Variants in HS3ST3A1 observed in about 807,000 individuals in gnomAD.
The protein encoded by HS3ST3A1 is heparan sulfate-glucosamine 3-sulfotransferase 3A1.
Under a neutral mutation model 25.7 loss-of-function variants are expected in HS3ST3A1, and 19 were observed. That is an observed-to-expected ratio of 0.74 (90% CI 0.52 to 1.08). The LOEUF (loss-of-function observed/expected upper bound fraction) is 1.08, where lower values mean the gene tolerates loss of function less well. Among genes scored for constraint, HS3ST3A1 ranks in the 50% least tolerant of loss-of-function variants. The probability of loss-of-function intolerance (pLI) is 0.00; values close to 1 mark genes in which losing one functional copy is unlikely to be tolerated. For synonymous variants in HS3ST3A1, 226 were observed against 278.6 expected, an observed-to-expected ratio of 0.81 and a Z score of 1.88; for missense variants, 459 against 594.3, an observed-to-expected ratio of 0.77 and a Z score of 2.37.
At position 13,495,876 on chromosome 17, in the gene HS3ST3A1, A is replaced by G. The variant is rs1360524785; in HGVS notation, c.*321T>C. 4.7e-6 allele frequency: 1 copy of G among 213,032 alleles called. No homozygotes were observed. The highest frequency in any genetic ancestry group is 2.3e-5 in the African/African-American group (1 of 43,568). 13.2% of individuals were successfully genotyped at this position (213,032 alleles called of 1,614,324 possible). On this transcript the variant is annotated 3_prime_UTR_variant, in exon 2 of 2. Coordinates refer to ENST00000284110, the MANE Select transcript of HS3ST3A1 (RefSeq NM_006042.3). ...AGGGCCTTGTATTTTAAAAAAAGAG[A>G]GAGAGATGTTTAACCTCAAGATTTT...
intron 1 of HS3ST3A1, among the ~76,000 whole-genome samples, chr17:13,524,911 A>G (rs59342672): frequency 0.018 from 2,700 of 152,334 alleles, 77 homozygotes; most frequent in African/African-American, 0.062. Context: ...CATCTACTAC[A>G]TAAAGGTTCA....
At chr17:13,579,703 A>G (rs1300518854) in intron 1 of HS3ST3A1, among the ~76,000 whole-genome samples, 3 of 130,804 alleles carry the variant, frequency 2.3e-5, no homozygotes, top group Admixed American at 2.2e-4. Flanking sequence ...TCCATCTCCA[A>G]AAAAAAAAAA....
chr17:13,540,476 A>G (rs1161537058), intron 1 of HS3ST3A1, among the ~76,000 whole-genome samples: 1 of 152,206 alleles, frequency 6.6e-6, no homozygotes, highest in Non-Finnish European at 1.5e-5. Context: ...GTATGATTTG[A>G]TGGACTAAAA....
intron 1 of HS3ST3A1, among the ~76,000 whole-genome samples, chr17:13,536,883 T>C (rs896639695): frequency 9.2e-5 from 14 of 152,176 alleles, no homozygotes; most frequent in Non-Finnish European, 2.1e-4. Context: ...CTTACTGCCC[T>C]GGGCCCTGAA....
intron 1 of HS3ST3A1, among the ~76,000 whole-genome samples, chr17:13,558,865 AG>A (rs1454225466): frequency 6.6e-6 from 1 of 152,212 alleles, no homozygotes; most frequent in Non-Finnish European, 1.5e-5. Flanking sequence ...TAGCCCTTGA[AG>A]AAAAAAACCA....
intron 1 of HS3ST3A1, among the ~76,000 whole-genome samples, chr17:13,540,720 T>C (rs1174590754): frequency 3.3e-5 from 5 of 152,242 alleles, no homozygotes; most frequent in Non-Finnish European, 7.3e-5. Context: ...CGAACTTCAC[T>C]GTAGAACAAG....
chr17:13,516,207 G>A (rs1906048370), intron 1 of HS3ST3A1, among the ~76,000 whole-genome samples: 1 of 152,158 alleles, frequency 6.6e-6, no homozygotes, highest in African/African-American at 2.4e-5. Flanking sequence ...CTACTCGGAA[G>A]GCTGAGGCAG....
At chr17:13,527,902 G>T (rs1415442887) in intron 1 of HS3ST3A1, among the ~76,000 whole-genome samples, 1 of 152,158 alleles carries the variant, frequency 6.6e-6, no homozygotes, top group Non-Finnish European at 1.5e-5. Context: ...TTTGGGAAAT[G>T]TATAATTAAA....
Position 13,560,956 on chromosome 17 carries a change from T to C in HS3ST3A1, c.599+39575A>G, listed in dbSNP as rs141361957. On this transcript the variant is annotated intron_variant, in intron 1 of 1. Coordinates refer to ENST00000284110, the MANE Select transcript of HS3ST3A1 (RefSeq NM_006042.3). ...ACAGATCCTGACACCATGTAGCCTA[T>C]GGGAGAGGTGGGCACAGAAGATCCA... 9.1e-3 allele frequency among the ~76,000 whole-genome samples: 1,381 copies of C among 152,300 alleles called. 14 individuals carry two copies. The highest frequency in any genetic ancestry group is 0.012 in the Non-Finnish European group (840 of 68,026).
chr17:13,574,357 A>T (rs62053900), intron 1 of HS3ST3A1, among the ~76,000 whole-genome samples: 124,664 of 150,510 alleles, frequency 0.83, 51,762 homozygotes, highest in East Asian at 0.92. Flanking sequence ...ATGGTCTCGA[A>T]CTCCTGACCT....
chr17:13,566,174 T>A (rs913955411), intron 1 of HS3ST3A1, among the ~76,000 whole-genome samples: 1 of 152,254 alleles, frequency 6.6e-6, no homozygotes, highest in African/African-American at 2.4e-5. Flanking sequence ...GCTCACATGC[T>A]GTGTCTCTGT....
chr17:13,564,746 CAG>C (rs1907634855), intron 1 of HS3ST3A1, among the ~76,000 whole-genome samples: 1 of 123,256 alleles, frequency 8.1e-6, no homozygotes, highest in South Asian at 2.6e-4. Context: ...TTTTAAGAGA[CAG>C]AGTCTCACTC....
Position 13,495,267 on chromosome 17 carries a change from A to G in HS3ST3A1, c.*930T>C, listed in dbSNP as rs974760138. On this transcript the variant is annotated 3_prime_UTR_variant, in exon 2 of 2. Transcript: ENST00000284110. Reference sequence around the variant, plus strand: ...TGCAAGAATCCAATAATTCCTCTCCAATTCAATCAAGCATTCATCAGTCAA... The same window carrying G: ...TGCAAGAATCCAATAATTCCTCTCCGATTCAATCAAGCATTCATCAGTCAA... 6.6e-6 allele frequency among the ~76,000 whole-genome samples: 1 copy of G among 152,088 alleles called. No individual in the cohort carries two copies. The highest frequency in any genetic ancestry group is 2.4e-5 in the African/African-American group (1 of 41,408).
At chr17:13,542,895 G>C (rs141310314) in intron 1 of HS3ST3A1, among the ~76,000 whole-genome samples, 7 of 152,146 alleles carry the variant, frequency 4.6e-5, no homozygotes, top group Non-Finnish European at 7.4e-5. Flanking sequence ...CATCACCAAT[G>C]GCCAGTGGTT....
chr17:13,537,245 T>A (rs1481403976), intron 1 of HS3ST3A1, among the ~76,000 whole-genome samples: 2 of 152,246 alleles, frequency 1.3e-5, no homozygotes, highest in African/African-American at 2.4e-5. Context: ...AGGAATACAA[T>A]CTTTTCTTGG....
chr17:13,596,878 C>G (rs911009708), intron 1 of HS3ST3A1, among the ~76,000 whole-genome samples: 1 of 152,012 alleles, frequency 6.6e-6, no homozygotes, highest in Non-Finnish European at 1.5e-5. Flanking sequence ...TCCTAGGAAT[C>G]GAAAGGGCCT....
chr17:13,559,394 C>A (rs182818016), intron 1 of HS3ST3A1, among the ~76,000 whole-genome samples: 2 of 151,710 alleles, frequency 1.3e-5, no homozygotes, highest in Non-Finnish European at 2.9e-5. Flanking sequence ...CTTCTTACAC[C>A]TAAAAGTAAA....
chr17:13,588,867 G>A (rs1278821574), intron 1 of HS3ST3A1, among the ~76,000 whole-genome samples: 1 of 152,132 alleles, frequency 6.6e-6, no homozygotes, highest in African/African-American at 2.4e-5. Context: ...TGTATTTTTA[G>A]TAGAGACGGG....
In HS3ST3A1 at chr17:13,590,057, C is replaced by G. The variant is rs1425273415; in HGVS notation, c.599+10474G>C. Among the ~76,000 whole-genome samples the G allele has an allele frequency of 2.0e-5, 3 of 152,124 alleles. No homozygotes were observed. In the East Asian group the frequency reaches 5.8e-4, roughly 29 times the overall value. On this transcript the variant is annotated intron_variant, in intron 1 of 1. Transcript: ENST00000284110. ...TTTATTCCCATAATTTGATTGATTA[C>G]TTCCTACTCTGAACACTCGAGAGAG...
Sources: gnomAD v4.1 joint callset for allele counts (sites outside exome capture counted in the v4.1 genomes callset) on GRCh38, gnomAD v4.1.1 for gene constraint, MANE v1.5 for transcripts, NCBI Gene and HGNC (gene_info 2026-07-23, HGNC 2026-07-21) for gene names.